Variants in OVCH1 observed in about 807,000 individuals in gnomAD.
OVCH1 encodes ovochymase 1.
Under a neutral mutation model 138.4 loss-of-function variants are expected in OVCH1, and 139 were observed. That is an observed-to-expected ratio of 1.00 (90% CI 0.87 to 1.16). The LOEUF (loss-of-function observed/expected upper bound fraction) is 1.16. Among genes scored for constraint, OVCH1 ranks in the 50% most tolerant of loss-of-function variants. The pLI is 0.00. For missense variants in OVCH1, 1,367 were observed against 1,357.9 expected, an observed-to-expected ratio of 1.01 and a Z score of -0.11; for synonymous variants, 453 against 467.8, an observed-to-expected ratio of 0.97 and a Z score of 0.41.
chr12:29,429,189 T>C (rs1355687831), intron 27 of OVCH1, among the ~76,000 whole-genome samples: 1 of 152,208 alleles, frequency 6.6e-6, no homozygotes. Flanking sequence ...AGTAAATACA[T>C]TTTCAAAAAA....
At chr12:29,422,364 A>G (rs1484307242) in intron 3 of OVCH1, among the ~76,000 whole-genome samples, 2 of 152,204 alleles carry the variant, frequency 1.3e-5, no homozygotes, top group African/African-American at 4.8e-5. Flanking sequence ...GGCTCAAATC[A>G]AGGACTCTTC....
At chr12:29,430,970 A>G (rs1361785609) in intron 27 of OVCH1, 1 of 511,612 alleles carries the variant, frequency 2.0e-6, no homozygotes, top group Admixed American at 2.0e-5. Context: ...GCACCAAGCA[A>G]TCTCCCAAGG....
chr12:29,478,873 T>C (rs1942831884), exon 9 of OVCH1: 1 of 1,591,258 alleles, frequency 6.3e-7, no homozygotes, highest in Non-Finnish European at 8.5e-7. Context: ...AGATACATAG[T>C]CATGATCACA....
In OVCH1 at chr12:29,463,445, C is replaced by T. The variant is rs117039786; in HGVS notation, c.2125+1062G>A. On this transcript the variant is annotated intron_variant, in intron 18 of 27. Transcript: ENST00000318184. ...TGGTGTTTAAGAGAAAGAAGAAAGG[C>T]CACGGTATCTGAAGGTTAACCACAA... 4.9e-3 allele frequency among the ~76,000 whole-genome samples: 745 copies of T among 152,158 alleles called. 12 individuals carry two copies. The East Asian group carries it at 0.061, about 12-fold the overall frequency.
intron 3 of OVCH1, among the ~76,000 whole-genome samples, chr12:29,419,899 T>A (rs1201886577): frequency 6.6e-6 from 1 of 152,162 alleles, no homozygotes; most frequent in Non-Finnish European, 1.5e-5. Context: ...AATTGCCTTA[T>A]AAGGATGACT....
intron 11 of OVCH1, 46 bp downstream of exon 11, chr12:29,477,295 C>T (rs564819965): frequency 6.2e-7 from 1 of 1,613,390 alleles, no homozygotes; most frequent in Non-Finnish European, 8.5e-7. Context: ...CTTCCCCACC[C>T]ACATCAAGGG....
exon 1 of OVCH1, chr12:29,497,685 A>G: frequency 6.2e-7 from 1 of 1,613,950 alleles, no homozygotes; most frequent in Non-Finnish European, 8.5e-7. Context: ...CAGCAGGCCC[A>G]TAGCCTCCAC....
chr12:29,442,306 G>A (rs1456420471), intron 25 of OVCH1, among the ~76,000 whole-genome samples: 1 of 150,860 alleles, frequency 6.6e-6, no homozygotes, highest in African/African-American at 2.4e-5. Flanking sequence ...AAAATGATGA[G>A]TTCATGTCCT....
chr12:29,424,951 A>G (rs1215982890), downstream of OVCH1, among the ~76,000 whole-genome samples: 2 of 152,250 alleles, frequency 1.3e-5, no homozygotes, highest in East Asian at 3.8e-4. Flanking sequence ...ATCAGTGGTC[A>G]TGAGAAGGCA....
Position 29,433,624 on chromosome 12 carries a change from C to T in OVCH1, c.3327+127G>A, listed in dbSNP as rs1658751446. On this transcript the variant is annotated intron_variant, in intron 27 of 27. Coordinates refer to ENST00000318184, the Ensembl canonical transcript of OVCH1. ...ATGGCAGGGACTGTCTTGTTCATTG[C>T]TCAATCTTCATTTCTTTGAATAGTG... 4.9e-6 allele frequency: 5 copies of T among 1,029,440 alleles called. No homozygotes were observed. The South Asian group carries it at 8.5e-5, about 17-fold the overall frequency. The allele number at this position is 1,029,440 out of a possible 1,614,324, so 63.8% of individuals were successfully genotyped here. A position where few individuals can be genotyped will look rare whatever the true frequency, so the allele number is the denominator to read the frequency against.
At chr12:29,477,447 T>C (rs747747316) in exon 11 of OVCH1, 10 of 1,613,764 alleles carry the variant, frequency 6.2e-6, no homozygotes, top group Non-Finnish European at 8.5e-6. Context: ...CTGCCAGCAA[T>C]GGTGAAGGCA....
intron 3 of OVCH1, among the ~76,000 whole-genome samples, chr12:29,415,182 G>C (rs1438034525): frequency 6.6e-6 from 1 of 152,162 alleles, no homozygotes; most frequent in African/African-American, 2.4e-5. Context: ...GTTGGTATCA[G>C]GTGGTGTTAA....
chr12:29,414,346 T>G (rs1414429312), intron 3 of OVCH1, among the ~76,000 whole-genome samples: 1 of 152,142 alleles, frequency 6.6e-6, no homozygotes, highest in Non-Finnish European at 1.5e-5. Context: ...CTTATTCTGA[T>G]TTTTTTCATT....
exon 18 of OVCH1, chr12:29,464,572 T>C (rs1309584636): frequency 6.2e-7 from 1 of 1,613,650 alleles, no homozygotes; most frequent in Non-Finnish European, 8.5e-7. Flanking sequence ...CTCTGCGCTG[T>C]GTGGGAGACA....
Position 29,475,056 on chromosome 12 carries a change from C to T in OVCH1, c.1600+5G>A, listed in dbSNP as rs764937587. 6.3e-7 allele frequency: 1 copy of T among 1,580,614 alleles called. No homozygotes were observed. Among genetic ancestry groups the T allele is most frequent in the Admixed American group, 1.8e-5 (1 of 55,398 alleles). ...AGTCCTTATTACACAAATGTTTATA[C>T]TCACCTGAGGGCAAAATGGTAAATC... On this transcript the variant is annotated splice_donor_5th_base_variant and intron_variant, in intron 14 of 27. Coordinates refer to ENST00000318184, the Ensembl canonical transcript of OVCH1.
intron 8 of OVCH1, among the ~76,000 whole-genome samples, chr12:29,483,560 C>T (rs1023954251): frequency 3.3e-5 from 5 of 152,154 alleles, no homozygotes; most frequent in African/African-American, 1.2e-4. Flanking sequence ...CTGCATGGAA[C>T]TCAAGGTCCT....
At chr12:29,443,762 T>C (rs753897648) in intron 24 of OVCH1, among the ~76,000 whole-genome samples, 2 of 152,052 alleles carry the variant, frequency 1.3e-5, no homozygotes, top group African/African-American at 4.8e-5. Context: ...TAAATTCTGA[T>C]TGAAAATTTA....
exon 25 of OVCH1, chr12:29,443,408 C>A (rs1330266383): frequency 1.2e-6 from 2 of 1,611,696 alleles, no homozygotes; most frequent in Admixed American, 1.7e-5. Context: ...ACGCAGATGA[C>A]CATGACAGAC....
intron 26 of OVCH1, among the ~76,000 whole-genome samples, chr12:29,437,391 T>TA (rs1201002252): frequency 6.6e-6 from 1 of 152,218 alleles, no homozygotes; most frequent in African/African-American, 2.4e-5. Flanking sequence ...ATGAATCCCC[T>TA]AATTCTAAAG....
Sources: allele counts gnomAD v4.1 joint callset (sites outside exome capture counted in the v4.1 genomes callset), GRCh38; gene constraint gnomAD v4.1.1; transcripts MANE v1.5; gene names NCBI Gene and HGNC (gene_info 2026-07-23, HGNC 2026-07-21).